Variants in CTNNA3 observed in about 807,000 individuals in gnomAD.
CTNNA3 encodes the protein catenin alpha 3.
In CTNNA3, 76 loss-of-function variants were observed where a neutral mutation model predicts 95.7. That is an observed-to-expected ratio of 0.79 (90% CI 0.66 to 0.96). The LOEUF is 0.96. Among genes scored for constraint, CTNNA3 ranks in the 40% least tolerant of loss-of-function variants. CTNNA3 has a pLI of 0.00. For missense variants in CTNNA3, 1,191 were observed against 1,089.8 expected (o/e 1.09, Z -1.31); for synonymous variants, 431 against 374.4 (o/e 1.15, Z -1.74).
At chr10:67,131,913 C>G (rs1029228229) in intron 7 of CTNNA3, among the ~76,000 whole-genome samples, 10 of 151,968 alleles carry the variant, frequency 6.6e-5, no homozygotes, top group African/African-American at 2.4e-4. Context: ...AATGGGAATT[C>G]AGAAAGCATT....
intron 7 of CTNNA3, among the ~76,000 whole-genome samples, chr10:66,942,615 T>TGC: frequency 6.6e-6 from 1 of 152,010 alleles, no homozygotes; most frequent in East Asian, 1.9e-4. Context: ...TGCGTGTGTG[T>TGC]GCATGTGTCT....
intron 1 of CTNNA3, among the ~76,000 whole-genome samples, chr10:67,728,085 A>G (rs111529568): frequency 1.4e-5 from 2 of 143,126 alleles, no homozygotes; most frequent in African/African-American, 5.1e-5. Flanking sequence ...TATATATTAT[A>G]TAATATGTAA....
chr10:67,276,961 CA>C (rs1340437366), intron 5 of CTNNA3, among the ~76,000 whole-genome samples: 1 of 151,882 alleles, frequency 6.6e-6, no homozygotes. Context: ...AAGACATCAC[CA>C]AAATGTTAAG....
chr10:66,222,689 G>A (rs746638257), intron 13 of CTNNA3, among the ~76,000 whole-genome samples: 16 of 150,318 alleles, frequency 1.1e-4, no homozygotes, highest in Non-Finnish European at 2.1e-4. Flanking sequence ...GGAAGGAAGG[G>A]AGGGAGGAAG....
intron 13 of CTNNA3, among the ~76,000 whole-genome samples, chr10:66,198,499 C>T (rs2087108464): frequency 6.6e-6 from 1 of 151,912 alleles, no homozygotes; most frequent in Non-Finnish European, 1.5e-5. Context: ...AGGTACACAG[C>T]AGAAATATTA....
At chr10:67,736,979 G>A (rs56314253) in intron 1 of CTNNA3, among the ~76,000 whole-genome samples, 4 of 150,704 alleles carry the variant, frequency 2.7e-5, no homozygotes, top group Non-Finnish European at 5.9e-5. Context: ...TTTTTTTTTG[G>A]GGGGGACAGC....
chr10:67,547,833 G>A (rs912407356), intron 3 of CTNNA3, among the ~76,000 whole-genome samples: 3 of 152,190 alleles, frequency 2.0e-5, no homozygotes, highest in African/African-American at 7.2e-5. Context: ...ACAAAGAAGT[G>A]TAAGACTTGT....
chr10:66,035,553 G>C (rs7475633), intron 15 of CTNNA3, among the ~76,000 whole-genome samples: 1 of 150,126 alleles, frequency 6.7e-6, no homozygotes, highest in Non-Finnish European at 1.5e-5. Context: ...TTTTTTTGCC[G>C]CTGGCTTTAT....
chr10:67,320,138 C>T (rs1841248958), intron 5 of CTNNA3, among the ~76,000 whole-genome samples: 1 of 152,016 alleles, frequency 6.6e-6, no homozygotes, highest in South Asian at 2.1e-4. Flanking sequence ...ACCATAGCTT[C>T]AAAATTAGAT....
At chr10:66,739,914 A>G (rs945478600) in intron 9 of CTNNA3, among the ~76,000 whole-genome samples, 1 of 152,170 alleles carries the variant, frequency 6.6e-6, no homozygotes, top group African/African-American at 2.4e-5. Context: ...AAAAATTCTA[A>G]TTTCTGGCTG....
chr10:66,794,754 A>G (rs2132215125), intron 7 of CTNNA3, among the ~76,000 whole-genome samples: 1 of 152,290 alleles, frequency 6.6e-6, no homozygotes, highest in South Asian at 2.1e-4. Context: ...AACATCTTTC[A>G]GAACTGGAGT....
chr10:66,437,363 T>C (rs2093345422), intron 11 of CTNNA3, among the ~76,000 whole-genome samples: 1 of 152,186 alleles, frequency 6.6e-6, no homozygotes, highest in Non-Finnish European at 1.5e-5. Context: ...AGTCTCATAT[T>C]TCTTGGAGGC....
intron 12 of CTNNA3, among the ~76,000 whole-genome samples, chr10:66,305,407 A>T (rs530311101): frequency 6.6e-6 from 1 of 152,308 alleles, no homozygotes; most frequent in East Asian, 1.9e-4. Flanking sequence ...AAGGAAAAAA[A>T]GGTGAAGCAG....
intron 12 of CTNNA3, among the ~76,000 whole-genome samples, chr10:66,342,567 C>A (rs1166271826): frequency 6.6e-6 from 1 of 151,934 alleles, no homozygotes; most frequent in Non-Finnish European, 1.5e-5. Context: ...TTGCATAGAA[C>A]ATATGAAATA....
chr10:66,162,462 T>G (rs764367265), intron 13 of CTNNA3, among the ~76,000 whole-genome samples: 2 of 152,258 alleles, frequency 1.3e-5, no homozygotes, highest in Admixed American at 6.5e-5. Flanking sequence ...CAAACTGCAC[T>G]GACTGTTGTC....
intron 10 of CTNNA3, among the ~76,000 whole-genome samples, chr10:66,609,533 A>G: frequency 6.6e-6 from 1 of 151,732 alleles, no homozygotes; most frequent in Non-Finnish European, 1.5e-5. Context: ...GAGAAATACA[A>G]ATCAAAACCA....
At chr10:67,095,648 G>T (rs896882078) in intron 7 of CTNNA3, among the ~76,000 whole-genome samples, 1 of 151,796 alleles carries the variant, frequency 6.6e-6, no homozygotes, top group African/African-American at 2.4e-5. Flanking sequence ...ATTCACAGTA[G>T]AGTTAATTCT....
intron 11 of CTNNA3, among the ~76,000 whole-genome samples, chr10:66,469,306 A>G (rs916231863): frequency 1.3e-5 from 2 of 151,970 alleles, no homozygotes; most frequent in Non-Finnish European, 1.5e-5. Flanking sequence ...GAGATATAAA[A>G]GATGAACAGA....
intron 9 of CTNNA3, among the ~76,000 whole-genome samples, chr10:66,725,007 A>G (rs1848737618): frequency 6.6e-6 from 1 of 152,160 alleles, no homozygotes; most frequent in Non-Finnish European, 1.5e-5. Flanking sequence ...GATGTAGTAT[A>G]TGCACAAAAC....
Sources: gnomAD v4.1 joint callset for allele counts (sites outside exome capture counted in the v4.1 genomes callset) on GRCh38, gnomAD v4.1.1 for gene constraint, MANE v1.5 for transcripts, NCBI Gene and HGNC (gene_info 2026-07-23, HGNC 2026-07-21) for gene names.